The following TMEM132B variants were observed in gnomAD, a reference collection of about 807,000 sequenced individuals.
TMEM132B encodes the protein transmembrane protein 132B.
In TMEM132B, 18 loss-of-function variants were observed where a neutral mutation model predicts 90.8. That is an observed-to-expected ratio of 0.20 (90% CI 0.14 to 0.29). TMEM132B has a LOEUF of 0.29. Among genes scored for constraint, TMEM132B ranks in the 10% least tolerant of loss-of-function variants. TMEM132B has a pLI of 1.00. For synonymous variants in TMEM132B, 504 were observed against 523.3 expected (o/e 0.96, Z 0.50); for missense variants, 1,096 against 1,326.8 (o/e 0.83, Z 2.70).
intron 3 of TMEM132B, among the ~76,000 whole-genome samples, chr12:125,441,177 C>T (rs1313502776): frequency 6.6e-6 from 1 of 152,148 alleles, no homozygotes; most frequent in African/African-American, 2.4e-5. Context: ...AAAGTGCTTG[C>T]AACATTGTCT....
At chr12:125,320,795 A>G (rs968243978) in intron 1 of TMEM132B, among the ~76,000 whole-genome samples, 1 of 152,208 alleles carries the variant, frequency 6.6e-6, no homozygotes, top group Admixed American at 6.5e-5. Context: ...GACTGTGGGG[A>G]ATATGGAAAG....
chr12:125,564,525 C>T (rs946119650), intron 4 of TMEM132B, among the ~76,000 whole-genome samples: 2 of 152,110 alleles, frequency 1.3e-5, no homozygotes, highest in East Asian at 1.9e-4. Context: ...GTCCATAAGA[C>T]AGATTGTTCG....
In TMEM132B at chr12:125,397,123, C is replaced by T. The variant is rs325097; in HGVS notation, c.960-18408C>T. On this transcript the variant is annotated intron_variant, in intron 2 of 8. Coordinates refer to ENST00000682704, the MANE Select transcript of TMEM132B (RefSeq NM_001366854.1). ...GTTAGCTGGGACTACAGGCACCCAC[C>T]ACCAGGCCCGGCTAATTTTTTTGTA... 4.2e-3 allele frequency among the ~76,000 whole-genome samples: 638 copies of T among 152,206 alleles called. 2 individuals carry two copies. The highest frequency in any genetic ancestry group is 0.015 in the African/African-American group (607 of 41,516).
chr12:125,640,096 G>A (rs1381622887), intron 5 of TMEM132B, among the ~76,000 whole-genome samples: 1 of 152,152 alleles, frequency 6.6e-6, no homozygotes, highest in Non-Finnish European at 1.5e-5. Context: ...AGGACAACAT[G>A]CAGTGCGAGG....
At chr12:125,517,152 A>G (rs1883180129) in intron 3 of TMEM132B, among the ~76,000 whole-genome samples, 1 of 148,350 alleles carries the variant, frequency 6.7e-6, no homozygotes, top group Non-Finnish European at 1.5e-5. Context: ...TTCAACACAC[A>G]TTTTCTCTCT....
chr12:125,433,858 G>A (rs1880618291), intron 3 of TMEM132B, among the ~76,000 whole-genome samples: 1 of 152,096 alleles, frequency 6.6e-6, no homozygotes, highest in Admixed American at 6.5e-5. Flanking sequence ...GCAATGTAAT[G>A]CCATGTAATT....
intron 1 of TMEM132B, among the ~76,000 whole-genome samples, chr12:125,234,250 T>C (rs1208532178): frequency 6.6e-6 from 1 of 152,226 alleles, no homozygotes; most frequent in Non-Finnish European, 1.5e-5. Flanking sequence ...TTCCTGACTG[T>C]TTGCTTTTCC....
chr12:125,323,819 C>T (rs1001903179), intron 1 of TMEM132B, among the ~76,000 whole-genome samples: 6 of 152,152 alleles, frequency 3.9e-5, no homozygotes, highest in African/African-American at 4.8e-5. Context: ...GTACTGGGCT[C>T]CTTGTTTCTT....
intron 3 of TMEM132B, among the ~76,000 whole-genome samples, chr12:125,436,153 G>A (rs1880693213): frequency 6.6e-6 from 1 of 152,194 alleles, no homozygotes; most frequent in South Asian, 2.1e-4. Context: ...GGGCTCCGGA[G>A]TCCAACTGTC....
chr12:125,261,947 C>T (rs1253893180), intron 1 of TMEM132B, among the ~76,000 whole-genome samples: 3 of 152,146 alleles, frequency 2.0e-5, no homozygotes, highest in South Asian at 2.1e-4. Context: ...CCTCCAACGT[C>T]GGCCTCCCAA....
rs1365182345 is a variant in TMEM132B at position 125,326,012 on chromosome 12, C to G, written c.68-23440C>G. On this transcript the variant is annotated intron_variant, in intron 1 of 8. Coordinates refer to ENST00000682704, the MANE Select transcript of TMEM132B (RefSeq NM_001366854.1). ...CACTCCAGGGCCCTGCAGCTCTGAG[C>G]TCCCCATGTAGTGCAGTGACATTTG... Among the ~76,000 whole-genome samples, 4 of 152,316 alleles carry G rather than the reference C, an allele frequency of 2.6e-5. 1 individual carries two copies. The South Asian group carries it at 8.3e-4, about 32-fold the overall frequency.
intron 2 of TMEM132B, among the ~76,000 whole-genome samples, chr12:125,401,408 G>A (rs1259655153): frequency 1.3e-5 from 2 of 152,134 alleles, no homozygotes; most frequent in Admixed American, 6.5e-5. Context: ...AAATAAAGCA[G>A]GAGACCAGGG....
chr12:125,475,174 G>T (rs551358313), intron 3 of TMEM132B, among the ~76,000 whole-genome samples: 2 of 152,110 alleles, frequency 1.3e-5, no homozygotes, highest in Admixed American at 1.3e-4. Context: ...GTGTGTGTTG[G>T]GGGGAAGAGG....
intron 2 of TMEM132B, among the ~76,000 whole-genome samples, chr12:125,397,441 C>T (rs1879199866): frequency 6.6e-6 from 1 of 152,160 alleles, no homozygotes; most frequent in Non-Finnish European, 1.5e-5. Context: ...CTTTTCATTT[C>T]AAAAGCATTT....
intron 1 of TMEM132B, among the ~76,000 whole-genome samples, chr12:125,241,829 T>C (rs561859844): frequency 1.3e-5 from 2 of 152,214 alleles, no homozygotes; most frequent in Non-Finnish European, 2.9e-5. Flanking sequence ...TAGAGTTTGA[T>C]GACCAATGTG....
intron 1 of TMEM132B, among the ~76,000 whole-genome samples, chr12:125,329,747 C>T (rs73424706): frequency 0.03 from 4,613 of 152,258 alleles, 224 homozygotes; most frequent in African/African-American, 0.1. Context: ...CCCCCAGCCC[C>T]GGCCCCTTGA....
chr12:125,494,327 C>T, intron 3 of TMEM132B, among the ~76,000 whole-genome samples: 1 of 134,818 alleles, frequency 7.4e-6, no homozygotes, highest in Non-Finnish European at 1.6e-5. Flanking sequence ...TCCTCCCCCT[C>T]CTCACTGGAA....
At chr12:125,557,179 T>C (rs1227145100) in intron 4 of TMEM132B, among the ~76,000 whole-genome samples, 1 of 152,184 alleles carries the variant, frequency 6.6e-6, no homozygotes, top group Admixed American at 6.5e-5. Flanking sequence ...CATATGTGTA[T>C]ATATAGTTAT....
At chr12:125,575,606 T>G (rs1884924099) in intron 4 of TMEM132B, among the ~76,000 whole-genome samples, 1 of 152,228 alleles carries the variant, frequency 6.6e-6, no homozygotes, top group Non-Finnish European at 1.5e-5. Flanking sequence ...TGGTTGTGCT[T>G]TAGGTGTCAT....
Sources: gnomAD v4.1 joint callset for allele counts (sites outside exome capture counted in the v4.1 genomes callset) on GRCh38, gnomAD v4.1.1 for gene constraint, MANE v1.5 for transcripts, NCBI Gene and HGNC (gene_info 2026-07-23, HGNC 2026-07-21) for gene names.